The following PSMC2 variants were observed in gnomAD, a reference collection of about 807,000 sequenced individuals.
The protein encoded by PSMC2 is 26S proteasome regulatory subunit 7.
Under a neutral mutation model 53.3 loss-of-function variants are expected in PSMC2, and 7 were observed. The observed-to-expected ratio is 0.13, with a 90% CI of 0.07 to 0.25. The LOEUF (loss-of-function observed/expected upper bound fraction) is 0.25. PSMC2 is among the 10% of genes least tolerant of loss of function. PSMC2 has a pLI of 1.00. For missense variants in PSMC2, 241 were observed against 544.0 expected, an observed-to-expected ratio of 0.44 and a Z score of 5.54; for synonymous variants, 169 against 183.9, an observed-to-expected ratio of 0.92 and a Z score of 0.66.
rs904108503 is a variant in PSMC2, at chr7:103,357,878, C to T, written c.290+2085C>T. Among the ~76,000 whole-genome samples, 15 of 152,326 alleles carry T rather than the reference C, an allele frequency of 9.8e-5. No homozygotes were observed. In the South Asian group the frequency reaches 3.1e-3, roughly 32 times the overall value. On this transcript the variant is annotated intron_variant, in intron 4 of 11. Coordinates refer to ENST00000292644, the MANE Select transcript of PSMC2 (RefSeq NM_002803.4). ...TGCATTAGATCTGTTCGTTTTCTCT[C>T]AGTTATACCTTAGTTGCATCTGGTG...
Position 103,363,361 on chromosome 7 carries a change from T to C in PSMC2, c.513T>C (p.Asp171=), listed in dbSNP as rs1436652022. ...VTMMQVEEKP[D]VTYSDVGGCK... ...TCTCTTAGGTGGAAGAGAAACCTGA[T>C]GTCACATACAGTGATGTTGGTGGCT... Residue 171 remains aspartate (D), a synonymous_variant, in exon 7 of 12, where the codon GAT becomes GAC. Transcript: ENST00000292644. The C allele has an allele frequency of 6.2e-7, 1 of 1,613,588 alleles. No individual in the cohort carries two copies. Among genetic ancestry groups the C allele is most frequent in the African/African-American group, 1.3e-5 (1 of 74,912 alleles).
At chr7:103,365,367 C>T (rs1311709596) in intron 8 of PSMC2, among the ~76,000 whole-genome samples, 1 of 152,160 alleles carries the variant, frequency 6.6e-6, no homozygotes, top group Non-Finnish European at 1.5e-5. Context: ...CACGGTGGCT[C>T]ATGCCTGTAA....
intron 5 of PSMC2, chr7:103,362,422 A>C: frequency 7.4e-7 from 1 of 1,352,854 alleles, no homozygotes; most frequent in East Asian, 3.1e-5. Context: ...TCTATAGAAT[A>C]CATAACAACT....
rs1819873822 is a variant in PSMC2, at chr7:103,353,903, T to C, written c.71-18T>C. 7 of 1,597,326 alleles carry C rather than the reference T, an allele frequency of 4.4e-6. No homozygotes were observed. Among genetic ancestry groups the C allele is most frequent in the East Asian group, 2.2e-5 (1 of 44,672 alleles). ...CTAGTTTCTTTTTGAATCTCACGTA[T>C]TGTCTCTCTTCTTTCAGCTCTGGAT... On this transcript the variant is annotated intron_variant, in intron 1 of 11. Transcript: ENST00000292644.
intron 4 of PSMC2, among the ~76,000 whole-genome samples, chr7:103,359,561 C>T (rs1820256690): frequency 6.6e-6 from 1 of 152,152 alleles, no homozygotes; most frequent in South Asian, 2.1e-4. Flanking sequence ...CTATCCTGGA[C>T]ATATCATCTA....
chr7:103,362,158 T>C, intron 5 of PSMC2, 70 bp downstream of exon 5: 3 of 1,591,042 alleles, frequency 1.9e-6, no homozygotes, highest in Non-Finnish European at 2.6e-6. Flanking sequence ...TATCCTTGGC[T>C]TTGTAGTGAA....
Position 103,347,670 on chromosome 7 carries a change from C to T in PSMC2, c.-42C>T, listed in dbSNP as rs775573075. 2 of 1,608,094 alleles carry T rather than the reference C, an allele frequency of 1.2e-6. No individual in the cohort carries two copies. Among genetic ancestry groups the T allele is most frequent in the African/African-American group, 1.3e-5 (1 of 74,790 alleles). ...GACACCACCGGAAGCAAGGAAGGTG[C>T]TGTGTAATCATTAAGGAGCGGAGGC... On this transcript the variant is annotated 5_prime_UTR_variant, in exon 1 of 12. Transcript: ENST00000292644.
rs765932940 is a variant in PSMC2 at position 103,365,951 on chromosome 7, G to A, written c.757-125G>A. 8.0e-6 allele frequency: 6 copies of A among 748,916 alleles called. No individual in the cohort carries two copies. In the African/African-American group the frequency reaches 9.0e-5, roughly 11 times the overall value. 46.4% of individuals were successfully genotyped at this position (748,916 alleles called of 1,614,324 possible). On this transcript the variant is annotated intron_variant, in intron 8 of 11. Transcript: ENST00000292644. ...TCAAAAAAATAAAAAAATAAAAAAC[G>A]TTTAGGTAATAATGGGTGAGAATAC...
intron 5 of PSMC2, 183 bp downstream of exon 5, chr7:103,362,271 GCTGACTCCCCTACTCCCA>G: frequency 7.1e-7 from 1 of 1,412,250 alleles, no homozygotes; most frequent in Non-Finnish European, 9.2e-7. Context: ...CATCGGCTTC[GCTGACTCCCCTACTCCCA>G]CTGTTGTTTA....
At chr7:103,365,819 C>G (rs1301056438) in intron 8 of PSMC2, among the ~76,000 whole-genome samples, 1 of 151,364 alleles carries the variant, frequency 6.6e-6, no homozygotes, top group Non-Finnish European at 1.5e-5. Context: ...TCCCAGCTAC[C>G]CGGGAGGCTG....
intron 5 of PSMC2, 197 bp from the exon 6 acceptor site, chr7:103,362,489 G>A: frequency 3.5e-6 from 5 of 1,408,534 alleles, no homozygotes; most frequent in Non-Finnish European, 4.6e-6. Context: ...GATTGCTGTT[G>A]GATAGGTTGT....
chr7:103,352,248 AC>A (rs1819768106), intron 1 of PSMC2, among the ~76,000 whole-genome samples: 1 of 117,054 alleles, frequency 8.5e-6, no homozygotes, highest in African/African-American at 3.9e-5. Flanking sequence ...AAAAAAAAAG[AC>A]CTGCCGTTTT....
At chr7:103,363,124 G>C (rs1820510310) in intron 6 of PSMC2, among the ~76,000 whole-genome samples, 1 of 152,138 alleles carries the variant, frequency 6.6e-6, no homozygotes, top group African/African-American at 2.4e-5. Flanking sequence ...TTGAGACAGA[G>C]TCTCAGCCTG....
intron 9 of PSMC2, 84 bp downstream of exon 9, chr7:103,366,247 T>A: frequency 8.1e-7 from 1 of 1,231,940 alleles, no homozygotes; most frequent in Non-Finnish European, 1.2e-6. Flanking sequence ...GTTAATCTTG[T>A]ACAGAATTTT....
chr7:103,367,382 G>T lies in PSMC2; in HGVS notation c.845-31G>T. The T allele has an allele frequency of 6.2e-7, 1 of 1,608,858 alleles. No individual in the cohort carries two copies. Among genetic ancestry groups the T allele is most frequent in the Non-Finnish European group, 8.5e-7 (1 of 1,176,846 alleles). ...CATAGTGCTACTCTTGAGTGGACTT[G>T]AAGAGCTTATCTTTCCTTTTGTCTT... On this transcript the variant is annotated intron_variant, in intron 9 of 11. Transcript: ENST00000292644. The surrounding 1 kb of genome is among the most constrained non-coding windows in gnomAD (Gnocchi z 6.1).
chr7:103,351,491 A>C (rs1180051094), intron 1 of PSMC2, among the ~76,000 whole-genome samples: 1 of 152,244 alleles, frequency 6.6e-6, no homozygotes, highest in Non-Finnish European at 1.5e-5. Flanking sequence ...TTGGTAATGT[A>C]GGCATCTCTG....
At chr7:103,347,633 A>C, upstream of PSMC2, 2 of 1,514,328 alleles carry the variant, frequency 1.3e-6, no homozygotes, top group Non-Finnish European at 1.8e-6. Flanking sequence ...CCGGTGGGGA[A>C]GGGAAAGGGA....
chr7:103,361,760 AT>A (rs1429795219), intron 4 of PSMC2, among the ~76,000 whole-genome samples, 196 bp from the exon 5 acceptor site: 1 of 152,198 alleles, frequency 6.6e-6, no homozygotes, highest in Non-Finnish European at 1.5e-5. Flanking sequence ...AGGAGAATGT[AT>A]TTGAAAATTT....
At chr7:103,362,651 G>T (rs1820476712) in intron 5 of PSMC2, 35 bp from the exon 6 acceptor site, 1 of 1,552,900 alleles carries the variant, frequency 6.4e-7, no homozygotes, top group African/African-American at 1.4e-5. Flanking sequence ...AAAGCTTAAA[G>T]AATGTATTAA....
Sources: allele counts gnomAD v4.1 joint callset (sites outside exome capture counted in the v4.1 genomes callset), GRCh38; gene constraint gnomAD v4.1.1; non-coding constraint Gnocchi (gnomAD v3.1); transcripts MANE v1.5; gene names NCBI Gene and HGNC (gene_info 2026-07-23, HGNC 2026-07-21).